Variants in RHBDL3 observed in about 807,000 individuals in gnomAD.
RHBDL3 encodes the protein rhomboid-related protein 3.
Under a neutral mutation model 48.2 loss-of-function variants are expected in RHBDL3, and 28 were observed. That is an observed-to-expected ratio of 0.58 (90% confidence interval 0.43 to 0.80). RHBDL3 has a LOEUF of 0.80. RHBDL3 is among the 30% of genes least tolerant of loss of function. The pLI is 0.00. For missense variants in RHBDL3, 464 were observed against 542.7 expected (o/e 0.85, Z 1.44); for synonymous variants, 208 against 232.3 (o/e 0.90, Z 0.95).
chr17:32,297,280 T>G (rs1260224239), intron 5 of RHBDL3, among the ~76,000 whole-genome samples: 1 of 152,042 alleles, frequency 6.6e-6, no homozygotes, highest in Non-Finnish European at 1.5e-5. Context: ...CCAGCCTGCC[T>G]AACATGGTGA....
chr17:32,288,744 C>T, intron 3 of RHBDL3, 48 bp from the exon 4 acceptor site: 1 of 1,454,034 alleles, frequency 6.9e-7, no homozygotes, highest in South Asian at 1.2e-5. Flanking sequence ...GTGGGGAGCT[C>T]CGCTGGGCCC....
rs933116760 is a variant in RHBDL3, at chr17:32,290,019, C to T, written c.519+1003C>T. On this transcript the variant is annotated intron_variant, in intron 4 of 8. Transcript: ENST00000269051. Reference sequence around the variant, plus strand: ...CTGAGATATTCTTGGACTCGTTCTTCAAGCGCTTACTGTGCTGGTCTATTT... The same window carrying T: ...CTGAGATATTCTTGGACTCGTTCTTTAAGCGCTTACTGTGCTGGTCTATTT... Among the ~76,000 whole-genome samples, 12 of 152,234 alleles carry T rather than the reference C, an allele frequency of 7.9e-5. No homozygotes were observed. In the East Asian group the frequency reaches 2.3e-3, roughly 29 times the overall value.
At chr17:32,270,895 C>G (rs531137503) in intron 2 of RHBDL3, among the ~76,000 whole-genome samples, 1 of 152,058 alleles carries the variant, frequency 6.6e-6, no homozygotes, top group Non-Finnish European at 1.5e-5. Flanking sequence ...AGTATAATAT[C>G]GTAGTAAAGA....
chr17:32,319,214 A>T (rs963196353), intron 8 of RHBDL3, among the ~76,000 whole-genome samples: 2 of 151,986 alleles, frequency 1.3e-5, no homozygotes, highest in African/African-American at 4.8e-5. Context: ...CGAGGTCAGG[A>T]GATAGAGACC....
chr17:32,316,344 G>T (rs770624080), intron 8 of RHBDL3, 52 bp downstream of exon 8: 12 of 1,349,144 alleles, frequency 8.9e-6, no homozygotes, highest in African/African-American at 1.4e-5. Flanking sequence ...AGGGCCTGAG[G>T]TTCAAAGATG....
intron 5 of RHBDL3, among the ~76,000 whole-genome samples, chr17:32,297,122 A>T (rs1026978188): frequency 6.6e-6 from 1 of 151,644 alleles, no homozygotes; most frequent in African/African-American, 2.4e-5. Context: ...CAGTGCTAGG[A>T]TTACAGGCAT....
intron 2 of RHBDL3, among the ~76,000 whole-genome samples, chr17:32,273,057 G>A (rs2039810491): frequency 6.6e-6 from 1 of 152,228 alleles, no homozygotes; most frequent in Non-Finnish European, 1.5e-5. Flanking sequence ...TTAGAGTGCA[G>A]TAGCGCGATC....
intron 3 of RHBDL3, among the ~76,000 whole-genome samples, chr17:32,286,339 T>C (rs2040197797): frequency 6.6e-6 from 1 of 152,196 alleles, no homozygotes; most frequent in African/African-American, 2.4e-5. Flanking sequence ...CTGAGATTTC[T>C]CTGTTCAAAT....
At chr17:32,267,427 TCC>T (rs2039661487) in intron 1 of RHBDL3, among the ~76,000 whole-genome samples, 2 of 129,430 alleles carry the variant, frequency 1.5e-5, no homozygotes, top group African/African-American at 7.5e-5. Flanking sequence ...AGGTGAGTTC[TCC>T]TGGGGGGGGA....
chr17:32,308,805 C>T (rs138730702), intron 7 of RHBDL3, among the ~76,000 whole-genome samples: 207 of 152,274 alleles, frequency 1.4e-3, no homozygotes, highest in Non-Finnish European at 2.3e-3. Context: ...CAGTGGCTCA[C>T]GCCTGTAATC....
rs561198551 is a variant in RHBDL3 at position 32,293,184 on chromosome 17, C to T, written c.520-1110C>T. ...CAGGGGCTGGAGGGAGGGGGTGGGG[C>T]GTCATTGTTCAGTGGGTACAGAGTT... On this transcript the variant is annotated intron_variant, in intron 4 of 8. Coordinates refer to ENST00000269051, the MANE Select transcript of RHBDL3 (RefSeq NM_138328.3). 7.9e-4 allele frequency among the ~76,000 whole-genome samples: 117 copies of T among 148,396 alleles called. 1 individual carries two copies. In the South Asian group the frequency reaches 9.0e-3, roughly 11 times the overall value.
intron 7 of RHBDL3, among the ~76,000 whole-genome samples, chr17:32,308,114 G>A (rs1225376349): frequency 6.6e-6 from 1 of 152,172 alleles, no homozygotes; most frequent in African/African-American, 2.4e-5. Context: ...AGAGAGGTGT[G>A]AGAGCAGTTT....
At chr17:32,266,541 C>T (rs1053736970) in intron 1 of RHBDL3, among the ~76,000 whole-genome samples, 1 of 151,964 alleles carries the variant, frequency 6.6e-6, no homozygotes, top group Admixed American at 6.5e-5. Context: ...GCCACTGCGC[C>T]GCGGACCTGT....
intron 3 of RHBDL3, 116 bp downstream of exon 3, chr17:32,284,933 TC>T: frequency 1.1e-6 from 1 of 937,298 alleles, no homozygotes; most frequent in Non-Finnish European, 1.6e-6. Flanking sequence ...ATTGAAAAAG[TC>T]CAGGCTTCTG....
In RHBDL3 at chr17:32,321,436, G is replaced by C; in HGVS notation, c.*207G>C. On this transcript the variant is annotated 3_prime_UTR_variant, in exon 9 of 9. Transcript: ENST00000269051. ...TGGCGGAGGAGTTGATGTGGCTGCT[G>C]TCGTTTTTCTCGGCTGCTCTGATGA... is the stretch of plus-strand genomic sequence containing the variant. 1 of 1,452,728 alleles carries C rather than the reference G, an allele frequency of 6.9e-7. No homozygotes were observed. Among genetic ancestry groups the C allele is most frequent in the Non-Finnish European group, 9.2e-7 (1 of 1,082,462 alleles). 90.0% of individuals were successfully genotyped at this position (1,452,728 alleles called of 1,614,324 possible).
chr17:32,315,802 T>C (rs986828345), intron 7 of RHBDL3, among the ~76,000 whole-genome samples: 1 of 151,846 alleles, frequency 6.6e-6, no homozygotes, highest in African/African-American at 2.4e-5. Context: ...AGTCCCCTCT[T>C]TTTTGAGCTA....
chr17:32,282,756 G>A (rs1405381547), intron 2 of RHBDL3, among the ~76,000 whole-genome samples: 2 of 152,120 alleles, frequency 1.3e-5, no homozygotes, highest in Non-Finnish European at 2.9e-5. Context: ...CCAAGTAGCT[G>A]GGACTACAGG....
At chr17:32,285,715 T>C (rs112925992) in intron 3 of RHBDL3, among the ~76,000 whole-genome samples, 3,169 of 152,220 alleles carry the variant, frequency 0.021, 53 homozygotes, top group South Asian at 0.059. Context: ...GGTTTTCCTA[T>C]TGGTGAGATG....
chr17:32,293,815 A>T (rs531494843), intron 4 of RHBDL3, among the ~76,000 whole-genome samples: 38 of 152,080 alleles, frequency 2.5e-4, no homozygotes, highest in Non-Finnish European at 4.9e-4. Flanking sequence ...AGCAAACAGA[A>T]GTGGGTGAGG....
Sources: gnomAD v4.1 joint callset for allele counts (sites outside exome capture counted in the v4.1 genomes callset) on GRCh38, gnomAD v4.1.1 for gene constraint, MANE v1.5 for transcripts, NCBI Gene and HGNC (gene_info 2026-07-23, HGNC 2026-07-21) for gene names.